Variants in COL25A1 observed in about 807,000 individuals in gnomAD.
The protein encoded by COL25A1 is collagen type XXV alpha 1 chain.
A neutral mutation model predicts 128.4 loss-of-function variants in COL25A1; 103 were observed. That is an observed-to-expected ratio of 0.80 (90% CI 0.68 to 0.94). The LOEUF (loss-of-function observed/expected upper bound fraction) is 0.94, where lower values mean the gene tolerates loss of function less well. Among genes scored for constraint, COL25A1 ranks in the 40% least tolerant of loss-of-function variants. COL25A1 has a pLI of 0.00. For missense variants in COL25A1, 745 were observed against 840.0 expected, an observed-to-expected ratio of 0.89 and a Z score of 1.40; for synonymous variants, 279 against 277.2, an observed-to-expected ratio of 1.01 and a Z score of -0.06.
intron 5 of COL25A1, among the ~76,000 whole-genome samples, chr4:109,043,485 C>T (rs917100751): frequency 6.6e-6 from 1 of 152,034 alleles, no homozygotes; most frequent in African/African-American, 2.4e-5. Context: ...AGTCGTATTT[C>T]ACACCTCAGA....
intron 5 of COL25A1, among the ~76,000 whole-genome samples, chr4:109,037,783 T>A (rs1759496319): frequency 6.6e-6 from 1 of 152,184 alleles, no homozygotes; most frequent in South Asian, 2.1e-4. Flanking sequence ...TAGCACAATT[T>A]TATCAGTCCT....
chr4:108,960,884 C>A (rs1053787665), intron 8 of COL25A1, among the ~76,000 whole-genome samples: 4 of 152,124 alleles, frequency 2.6e-5, no homozygotes, highest in African/African-American at 9.7e-5. Context: ...TTGCTTCCAT[C>A]TCACTTTGCA....
At chr4:109,066,584 C>T (rs560847933) in intron 3 of COL25A1, among the ~76,000 whole-genome samples, 1 of 152,288 alleles carries the variant, frequency 6.6e-6, no homozygotes, top group East Asian at 1.9e-4. Context: ...ACTCTAGTGC[C>T]TAGGAGAATG....
intron 36 of COL25A1, among the ~76,000 whole-genome samples, chr4:108,818,695 C>A (rs1254455191): frequency 6.6e-6 from 1 of 152,100 alleles, no homozygotes; most frequent in Non-Finnish European, 1.5e-5. Flanking sequence ...GTTGGGGCTG[C>A]AGACTTTTAT....
At chr4:109,048,621 T>C (rs1760682362) in intron 4 of COL25A1, among the ~76,000 whole-genome samples, 1 of 152,204 alleles carries the variant, frequency 6.6e-6, no homozygotes, top group African/African-American at 2.4e-5. Flanking sequence ...TTATTCATCA[T>C]TATTGTAAAT....
At chr4:108,854,965 G>A (rs1024810816) in intron 24 of COL25A1, among the ~76,000 whole-genome samples, 1 of 152,114 alleles carries the variant, frequency 6.6e-6, no homozygotes, top group Non-Finnish European at 1.5e-5. Flanking sequence ...CCTGATCCAT[G>A]AATCATATTT....
chr4:108,827,045 G>T, intron 33 of COL25A1, 90 bp downstream of exon 33: 1 of 1,088,192 alleles, frequency 9.2e-7, no homozygotes, highest in Non-Finnish European at 1.4e-6. Context: ...TCTAACATTA[G>T]TCTGCCCCAC....
At chr4:108,855,182 G>A (rs1736326968) in intron 24 of COL25A1, among the ~76,000 whole-genome samples, 1 of 110,476 alleles carries the variant, frequency 9.1e-6, no homozygotes, top group Non-Finnish European at 1.8e-5. Flanking sequence ...GATTTGAGCT[G>A]TTGTTACTGT....
chr4:109,188,069 A>C (rs1775290739), intron 3 of COL25A1, among the ~76,000 whole-genome samples: 1 of 152,224 alleles, frequency 6.6e-6, no homozygotes, highest in African/African-American at 2.4e-5. Context: ...TTACAAGGCC[A>C]ATGAAACTAA....
intron 19 of COL25A1, among the ~76,000 whole-genome samples, chr4:108,875,585 G>A (rs1463400101): frequency 6.6e-6 from 1 of 152,206 alleles, no homozygotes; most frequent in African/African-American, 2.4e-5. Flanking sequence ...AGGATGTGGA[G>A]AAATAGGAAT....
chr4:109,251,957 C>T (rs184307553), intron 3 of COL25A1, among the ~76,000 whole-genome samples: 41 of 152,348 alleles, frequency 2.7e-4, no homozygotes, highest in African/African-American at 9.6e-4. Context: ...GCCTCTCCAC[C>T]ACCTTTCAAG....
At chr4:109,167,102 G>T (rs1284765346) in intron 3 of COL25A1, among the ~76,000 whole-genome samples, 1 of 152,126 alleles carries the variant, frequency 6.6e-6, no homozygotes, top group Non-Finnish European at 1.5e-5. Context: ...GTGAAAATGA[G>T]AACATTGCCC....
In COL25A1 at chr4:108,811,692, T is replaced by C. The variant is rs1379320079; in HGVS notation, c.*2235A>G. On this transcript the variant is annotated 3_prime_UTR_variant, in exon 38 of 38. Transcript: ENST00000399132. Reference sequence around the variant, plus strand: ...TGAGCAATACGTTATCCTAACACCATGCCATACAAGAAATTGTTAGAAAAT... The same window carrying C: ...TGAGCAATACGTTATCCTAACACCACGCCATACAAGAAATTGTTAGAAAAT... 6.6e-6 allele frequency: 1 copy of C among 152,134 alleles called. No homozygotes were observed. The highest frequency in any genetic ancestry group is 2.4e-5 in the African/African-American group (1 of 41,452). 9.4% of individuals were successfully genotyped at this position (152,134 alleles called of 1,614,324 possible).
intron 3 of COL25A1, among the ~76,000 whole-genome samples, chr4:109,175,709 T>C (rs1176251586): frequency 6.6e-6 from 1 of 152,210 alleles, no homozygotes; most frequent in Non-Finnish European, 1.5e-5. Flanking sequence ...ATTGAACTTT[T>C]AGCCATTCAA....
chr4:109,194,472 C>T (rs1330093430), intron 3 of COL25A1, among the ~76,000 whole-genome samples: 3 of 151,994 alleles, frequency 2.0e-5, no homozygotes, highest in East Asian at 1.9e-4. Flanking sequence ...GCTTCCATGC[C>T]GAGAACTATT....
intron 3 of COL25A1, among the ~76,000 whole-genome samples, chr4:109,222,059 CTTTTTTTTTTT>C (rs3041336): frequency 4.7e-5 from 4 of 85,764 alleles, no homozygotes; most frequent in Non-Finnish European, 8.2e-5. Flanking sequence ...TAAATAACTT[CTTTTTTTTTTT>C]TTTTTTTTTT....
At chr4:108,930,171 C>A (rs554360549) in intron 11 of COL25A1, among the ~76,000 whole-genome samples, 30 of 152,138 alleles carry the variant, frequency 2.0e-4, no homozygotes, top group African/African-American at 6.5e-4. Context: ...AAGTCTATAT[C>A]TTTTTTAAGG....
intron 5 of COL25A1, chr4:109,022,145 A>G (rs1724446): frequency 0.45 from 202,652 of 450,942 alleles, 50,817 homozygotes; most frequent in African/African-American, 0.77. Flanking sequence ...CTGGTTTTAC[A>G]GCTCAGGTGG....
At chr4:109,001,372 C>CAGGCATCCGAGATCCTGTCAGGT (rs1755348181) in intron 6 of COL25A1, among the ~76,000 whole-genome samples, 2 of 24,148 alleles carry the variant, frequency 8.3e-5, no homozygotes, top group Admixed American at 5.8e-4. Flanking sequence ...TTAAAAGAAA[C>CAGGCATCCGAGATCCTGTCAGGT]AGGCATCTGA....
Sources: gnomAD v4.1 joint callset for allele counts (sites outside exome capture counted in the v4.1 genomes callset) on GRCh38, gnomAD v4.1.1 for gene constraint, MANE v1.5 for transcripts, NCBI Gene and HGNC (gene_info 2026-07-23, HGNC 2026-07-21) for gene names.